Variants in PCDH7 observed in about 807,000 individuals in gnomAD.
The protein encoded by PCDH7 is protocadherin 7, also known as protocadherin-7.
A neutral mutation model predicts 58.9 loss-of-function variants in PCDH7; 17 were observed. That is an observed-to-expected ratio of 0.29 (90% CI 0.20 to 0.43). The LOEUF is 0.43. Among genes scored for constraint, PCDH7 ranks in the 20% least tolerant of loss-of-function variants. The probability of loss-of-function intolerance (pLI) is 1.00; values close to 1 mark genes in which losing one functional copy is unlikely to be tolerated. For missense variants in PCDH7, 1,274 were observed against 1,441.0 expected (o/e 0.88, Z 1.88); for synonymous variants, 664 against 616.4 (o/e 1.08, Z -1.14).
intron 2 of PCDH7, among the ~76,000 whole-genome samples, chr4:30,924,827 A>T (rs1349707939): frequency 6.6e-6 from 1 of 151,408 alleles, no homozygotes; most frequent in Admixed American, 6.6e-5. Context: ...GAAAAAAAAA[A>T]GGTAGGAAAT....
chr4:31,097,613 T>TATATATAG (rs1228005173), intron 3 of PCDH7, among the ~76,000 whole-genome samples: 1 of 35,226 alleles, frequency 2.8e-5, no homozygotes, highest in East Asian at 4.1e-3. Context: ...TATATATATA[T>TATATATAG]ATATATATAT....
intron 1 of PCDH7, among the ~76,000 whole-genome samples, chr4:30,908,450 GA>G (rs1477650697): frequency 6.6e-6 from 1 of 152,038 alleles, no homozygotes; most frequent in African/African-American, 2.4e-5. Context: ...CCATAAGGTG[GA>G]AAAATGTGGG....
intron 1 of PCDH7, among the ~76,000 whole-genome samples, chr4:30,819,429 A>T (rs561616067): frequency 6.6e-6 from 1 of 152,270 alleles, no homozygotes; most frequent in South Asian, 2.1e-4. Context: ...TTGGGATCTG[A>T]TAATGTTTGG....
chr4:30,878,200 C>T (rs760009270), intron 1 of PCDH7, among the ~76,000 whole-genome samples: 29 of 152,054 alleles, frequency 1.9e-4, no homozygotes, highest in Non-Finnish European at 2.9e-4. Flanking sequence ...GTGAGGCCTC[C>T]TTCTGTCTTA....
At chr4:30,988,181 A>T (rs2109119660) in intron 3 of PCDH7, among the ~76,000 whole-genome samples, 1 of 152,314 alleles carries the variant, frequency 6.6e-6, no homozygotes, top group Non-Finnish European at 1.5e-5. Context: ...ACATCATGGT[A>T]GGCAGAAACT....
chr4:31,142,372 T>C (rs1230737317), intron 3 of PCDH7, 101 bp from the exon 3 acceptor site: 42 of 1,049,040 alleles, frequency 4.0e-5, no homozygotes, highest in Non-Finnish European at 5.1e-5. Flanking sequence ...AGAAATAAGA[T>C]GGTAAGGAAT....
At position 30,743,817 on chromosome 4, in the gene PCDH7, AAATC is replaced by A. The variant is rs960120053; in HGVS notation, c.70+19223_70+19226del. The stretch of plus-strand genomic sequence containing the variant: ...ATAATTTATCTTTGCAAACTAAAAA[AAATC>A]AGTTTGGTGAACATTGAAACTTTGG... On this transcript the variant is annotated intron_variant, in intron 1 of 3. Transcript: ENST00000509759. Among the ~76,000 whole-genome samples, 200 of 152,268 alleles carry A rather than the reference AAATC, an allele frequency of 1.3e-3. 2 individuals are homozygous for A. The highest frequency in any genetic ancestry group is 4.7e-3 in the African/African-American group (195 of 41,556).
At chr4:30,887,933 T>C (rs1041557286) in intron 1 of PCDH7, among the ~76,000 whole-genome samples, 1 of 151,776 alleles carries the variant, frequency 6.6e-6, no homozygotes, top group East Asian at 1.9e-4. Flanking sequence ...TGGAGTGCAG[T>C]GGTGCTATCT....
intron 1 of PCDH7, among the ~76,000 whole-genome samples, chr4:30,897,281 C>T (rs906430742): frequency 2.0e-5 from 3 of 152,072 alleles, no homozygotes; most frequent in African/African-American, 7.2e-5. Flanking sequence ...GAAAGTGCTT[C>T]GAAGATACGA....
intron 1 of PCDH7, among the ~76,000 whole-genome samples, chr4:30,755,434 G>A (rs1357028088): frequency 6.6e-6 from 1 of 151,996 alleles, no homozygotes; most frequent in East Asian, 1.9e-4. Flanking sequence ...CTTCCTATCT[G>A]CTCTTGACAG....
intron 1 of PCDH7, among the ~76,000 whole-genome samples, chr4:30,727,824 T>C (rs2109233470): frequency 6.6e-6 from 1 of 152,002 alleles, no homozygotes; most frequent in South Asian, 2.1e-4. Flanking sequence ...AATAATGTAA[T>C]CCCCCCAAAG....
chr4:30,963,282 T>C lies in PCDH7; in HGVS notation c.*7+13067T>C, dbSNP rs563410228. On this transcript the variant is annotated intron_variant, in intron 3 of 3. Transcript: ENST00000509759. The stretch of plus-strand genomic sequence containing the variant: ...GAGGCTTAAAAGTCATTGGAGATTT[T>C]ATAGTTCTTCCTACCTTTGGTAAGT... Among the ~76,000 whole-genome samples, 12 of 152,320 alleles carry C rather than the reference T, an allele frequency of 7.9e-5. No individual in the cohort carries two copies. The South Asian group carries it at 2.5e-3, about 32-fold the overall frequency.
At chr4:30,958,786 A>G (rs957734284) in intron 3 of PCDH7, among the ~76,000 whole-genome samples, 7 of 152,048 alleles carry the variant, frequency 4.6e-5, no homozygotes, top group Non-Finnish European at 1.0e-4. Context: ...AACTATTGCT[A>G]TTATTGAAAT....
chr4:30,760,723 G>T (rs1227614294), intron 1 of PCDH7, among the ~76,000 whole-genome samples: 4 of 152,082 alleles, frequency 2.6e-5, no homozygotes, highest in Non-Finnish European at 1.5e-5. Flanking sequence ...ATTTCCTAAA[G>T]GGCACCAAGA....
chr4:30,878,584 T>C (rs1404674010), intron 1 of PCDH7, among the ~76,000 whole-genome samples: 1 of 151,966 alleles, frequency 6.6e-6, no homozygotes, highest in Admixed American at 6.6e-5. Context: ...TCACCCCCAG[T>C]CTATGATATA....
At chr4:31,036,567 G>A (rs1178102741) in intron 3 of PCDH7, among the ~76,000 whole-genome samples, 1 of 152,206 alleles carries the variant, frequency 6.6e-6, no homozygotes, top group East Asian at 1.9e-4. Context: ...ATACATGTGA[G>A]GTCAACTTGG....
At chr4:30,922,698 G>T (rs994504667) in intron 2 of PCDH7, among the ~76,000 whole-genome samples, 2 of 152,064 alleles carry the variant, frequency 1.3e-5, no homozygotes, top group Non-Finnish European at 2.9e-5. Context: ...TCATGATAAT[G>T]TAACGGATCT....
chr4:31,127,544 C>T (rs1329983321), intron 3 of PCDH7, among the ~76,000 whole-genome samples: 1 of 151,948 alleles, frequency 6.6e-6, no homozygotes, highest in African/African-American at 2.4e-5. Context: ...GAAAGTCTAC[C>T]AGAAGATTTA....
At chr4:31,114,632 A>AACAC (rs34203962) in intron 3 of PCDH7, among the ~76,000 whole-genome samples, 37,199 of 143,464 alleles carry the variant, frequency 0.26, 5,207 homozygotes, top group Admixed American at 0.34. Flanking sequence ...CACACATACA[A>AACAC]ACACACACAC....
Sources: gnomAD v4.1 joint callset for allele counts (sites outside exome capture counted in the v4.1 genomes callset) on GRCh38, gnomAD v4.1.1 for gene constraint, MANE v1.5 for transcripts, NCBI Gene and HGNC (gene_info 2026-07-23, HGNC 2026-07-21) for gene names.